Variants in PCSK5 observed in about 807,000 individuals in gnomAD.
The protein encoded by PCSK5 is prohormone convertase 5.
PCSK5 carries 129 observed loss-of-function variants against 233.2 expected under a neutral mutation model. The ratio of observed to expected loss-of-function variants is 0.55; its 90% CI spans 0.48 to 0.64. PCSK5 has a LOEUF of 0.64. Ranked by LOEUF, PCSK5 falls within the 30% of genes least tolerant of loss-of-function variation. The pLI is 0.00. For missense variants in PCSK5, 2,076 were observed against 2,430.1 expected, an observed-to-expected ratio of 0.85 and a Z score of 3.06; for synonymous variants, 825 against 879.2, an observed-to-expected ratio of 0.94 and a Z score of 1.09.
chr9:76,195,708 A>G (rs935159392), intron 20 of PCSK5: 2 of 152,088 alleles, frequency 1.3e-5, no homozygotes, highest in Non-Finnish European at 2.9e-5. Context: ...TTGTCTTTTT[A>G]TTTTCAATTA....
chr9:76,179,809 T>C, intron 15 of PCSK5, 111 bp downstream of exon 15: 1 of 717,966 alleles, frequency 1.4e-6, no homozygotes. Flanking sequence ...TCCACTATTC[T>C]CCCACCAGGA....
chr9:76,119,178 A>T (rs975378903), intron 9 of PCSK5, among the ~76,000 whole-genome samples: 1 of 151,986 alleles, frequency 6.6e-6, no homozygotes, highest in African/African-American at 2.4e-5. Context: ...TCGAAAAGAT[A>T]ATCTTTGAAT....
intron 1 of PCSK5, among the ~76,000 whole-genome samples, chr9:75,899,619 G>T (rs1196792957): frequency 6.6e-6 from 1 of 152,052 alleles, no homozygotes; most frequent in Non-Finnish European, 1.5e-5. Context: ...CATATAAGCG[G>T]GATCATCAGC....
At chr9:76,065,748 T>G (rs1300466865) in intron 5 of PCSK5, among the ~76,000 whole-genome samples, 1 of 152,204 alleles carries the variant, frequency 6.6e-6, no homozygotes, top group East Asian at 1.9e-4. Context: ...TCCCAAAGCA[T>G]TTCTTCAATA....
Position 75,899,147 on chromosome 9 carries a change from G to A in PCSK5, c.192+7774G>A, listed in dbSNP as rs576414638. On this transcript the variant is annotated intron_variant, in intron 1 of 37. Coordinates refer to ENST00000674117, the MANE Select transcript of PCSK5 (RefSeq NM_001372043.1). ...GTAGGGGATGAGGAGGAGGGAGAAT[G>A]TGAAGATAGCTGTAAAGTTTTAGCC... Among the ~76,000 whole-genome samples, 350 of 152,288 alleles carry A rather than the reference G, an allele frequency of 2.3e-3. 3 individuals carry two copies. The highest frequency in any genetic ancestry group is 7.9e-3 in the African/African-American group (327 of 41,556).
At chr9:76,348,330 G>C (rs1830032056) in intron 35 of PCSK5, among the ~76,000 whole-genome samples, 1 of 152,186 alleles carries the variant, frequency 6.6e-6, no homozygotes, top group Admixed American at 6.5e-5. Context: ...AGAATTGCTT[G>C]AACCTGGGAG....
intron 5 of PCSK5, among the ~76,000 whole-genome samples, chr9:76,049,397 CAATGTGAGTGG>C (rs2131553140): frequency 6.6e-6 from 1 of 152,212 alleles, no homozygotes; most frequent in Non-Finnish European, 1.5e-5. Flanking sequence ...GATAGTCTCC[CAATGTGAGTGG>C]AAATGGCCCT....
intron 3 of PCSK5, among the ~76,000 whole-genome samples, chr9:76,018,743 C>T (rs183727527): frequency 2.6e-5 from 4 of 152,132 alleles, no homozygotes; most frequent in African/African-American, 9.7e-5. Context: ...CTTGGTGTTT[C>T]CAGAAAGATG....
At chr9:76,138,433 A>C (rs1823067261) in intron 10 of PCSK5, among the ~76,000 whole-genome samples, 1 of 152,084 alleles carries the variant, frequency 6.6e-6, no homozygotes, top group African/African-American at 2.4e-5. Context: ...AGCCATGCGG[A>C]AGACTTTTAA....
At chr9:76,248,219 C>T (rs191061022) in intron 24 of PCSK5, among the ~76,000 whole-genome samples, 196 of 152,258 alleles carry the variant, frequency 1.3e-3, no homozygotes, top group Non-Finnish European at 2.0e-3. Flanking sequence ...CATGATCTAC[C>T]GCACCCAACC....
chr9:76,321,519 C>T lies in PCSK5; in HGVS notation c.3982C>T (p.His1328Tyr), dbSNP rs764332706. The stretch of plus-strand genomic sequence containing the variant: ...CAACTGCCATTCTTGTGAAGGAGGC[C>T]ACGTCCTGCACCACGGAGTGTGCCA... Reference protein sequence around the residue: ...ATNCHSCEGGHVLHHGVCQEN... With the variant: ...ATNCHSCEGGYVLHHGVCQEN... The change falls in exon 31 of 38, where the codon CAC (histidine) becomes TAC (tyrosine). Residue 1328 changes from histidine to tyrosine, a missense_variant. Physicochemically the swap from His to Tyr is moderately conservative, Grantham distance 83 (BLOSUM62 2). This residue lies in a region of PCSK5 where 1,510 missense variants were observed against 1,538.1 expected (regional missense o/e 0.98). Coordinates refer to ENST00000674117, the MANE Select transcript of PCSK5 (RefSeq NM_001372043.1). 2 of 1,612,026 alleles carry T rather than the reference C, an allele frequency of 1.2e-6. No individual in the cohort carries two copies. Among genetic ancestry groups the T allele is most frequent in the South Asian group, 2.2e-5 (2 of 91,064 alleles).
intron 3 of PCSK5, among the ~76,000 whole-genome samples, chr9:76,002,235 G>A (rs891575560): frequency 6.6e-6 from 1 of 152,156 alleles, no homozygotes; most frequent in Admixed American, 6.5e-5. Context: ...TAATAGTATA[G>A]TGCAGGCATG....
At chr9:76,119,075 T>A (rs1832538995) in intron 9 of PCSK5, among the ~76,000 whole-genome samples, 1 of 152,074 alleles carries the variant, frequency 6.6e-6, no homozygotes, top group African/African-American at 2.4e-5. Flanking sequence ...GGGTGCTGTC[T>A]CCATTCAGTT....
intron 1 of PCSK5, among the ~76,000 whole-genome samples, chr9:75,924,554 T>G (rs941791892): frequency 3.9e-5 from 6 of 152,152 alleles, no homozygotes; most frequent in African/African-American, 1.4e-4. Flanking sequence ...ATGTAAGTTC[T>G]CTGGGGTTAG....
At chr9:76,182,432 G>A (rs1396646065) in intron 16 of PCSK5, among the ~76,000 whole-genome samples, 2 of 152,064 alleles carry the variant, frequency 1.3e-5, no homozygotes, top group South Asian at 2.1e-4. Context: ...TAGTCCACCA[G>A]GAAAGGCAAA....
At chr9:75,894,571 A>C (rs952215248) in intron 1 of PCSK5, among the ~76,000 whole-genome samples, 2 of 152,232 alleles carry the variant, frequency 1.3e-5, no homozygotes, top group Non-Finnish European at 2.9e-5. Flanking sequence ...CTGCAATAAT[A>C]ATACTTAACC....
At chr9:76,126,444 T>A (rs1218033972) in intron 9 of PCSK5, among the ~76,000 whole-genome samples, 1 of 152,054 alleles carries the variant, frequency 6.6e-6, no homozygotes, top group African/African-American at 2.4e-5. Flanking sequence ...AGAAATCCCG[T>A]CTCTACTAAA....
Position 76,042,889 on chromosome 9 carries a change from G to A in PCSK5, c.632+15852G>A, listed in dbSNP as rs376708352. 1.3e-3 allele frequency among the ~76,000 whole-genome samples: 202 copies of A among 152,246 alleles called. 7 individuals carry two copies. The South Asian group carries it at 0.038, about 29-fold the overall frequency. On this transcript the variant is annotated intron_variant, in intron 5 of 37. Transcript: ENST00000674117. ...AGCCTGTAATTCCTTCCCATGAAGT[G>A]CCTCCTCAAAGGGGACAGTGATGAC...
intron 3 of PCSK5, among the ~76,000 whole-genome samples, chr9:76,014,058 C>CATTCTATGAGCACCGCT (rs367722917): frequency 0.031 from 4,778 of 151,882 alleles, 248 homozygotes; most frequent in African/African-American, 0.11. Context: ...AAAAGTACTC[C>CATTCTATGAGCACCGCT]TCCTGAGACC....
Sources: allele counts gnomAD v4.1 joint callset (sites outside exome capture counted in the v4.1 genomes callset), GRCh38; gene constraint gnomAD v4.1.1; regional missense constraint gnomAD v4.1.1; transcripts MANE v1.5; gene names NCBI Gene and HGNC (gene_info 2026-07-23, HGNC 2026-07-21).